The following TTC7B variants were observed in gnomAD, a reference collection of about 807,000 sequenced individuals.
TTC7B encodes tetratricopeptide repeat protein 7B.
In TTC7B, 28 loss-of-function variants were observed where a neutral mutation model predicts 106.8. The ratio of observed to expected loss-of-function variants is 0.26; its 90% CI spans 0.19 to 0.36. The LOEUF is 0.36. TTC7B is among the 10% of genes least tolerant of loss of function. The pLI is 1.00. For synonymous variants in TTC7B, 405 were observed against 430.6 expected (o/e 0.94, Z 0.74); for missense variants, 862 against 1,076.4 (o/e 0.80, Z 2.79).
At chr14:90,671,203 T>A (rs181926886) in intron 9 of TTC7B, among the ~76,000 whole-genome samples, 12 of 152,318 alleles carry the variant, frequency 7.9e-5, no homozygotes, top group Admixed American at 7.8e-4. Context: ...CGTTGTTAGA[T>A]GTGCAATGCT....
chr14:90,662,209 A>G (rs999217537), intron 9 of TTC7B, among the ~76,000 whole-genome samples: 1 of 152,248 alleles, frequency 6.6e-6, no homozygotes, highest in Non-Finnish European at 1.5e-5. Flanking sequence ...CAGACAGCCA[A>G]TCACAGGCTC....
intron 1 of TTC7B, among the ~76,000 whole-genome samples, chr14:90,789,561 A>G (rs530544474): frequency 2.6e-4 from 39 of 152,274 alleles, no homozygotes; most frequent in African/African-American, 8.7e-4. Flanking sequence ...AAAAAGTGGA[A>G]TTAATTTAAA....
At chr14:90,542,499 G>A (rs913452398) in intron 19 of TTC7B, among the ~76,000 whole-genome samples, 5 of 152,112 alleles carry the variant, frequency 3.3e-5, no homozygotes, top group Non-Finnish European at 4.4e-5. Context: ...TCATCCAATG[G>A]ACACTCTCAC....
chr14:90,769,951 C>T (rs1026923992), intron 3 of TTC7B, among the ~76,000 whole-genome samples: 2 of 151,820 alleles, frequency 1.3e-5, no homozygotes, highest in Non-Finnish European at 2.9e-5. Context: ...GAGTTTGAGA[C>T]CATCCTGGGC....
chr14:90,606,813 T>C (rs577257580), intron 17 of TTC7B, among the ~76,000 whole-genome samples: 2 of 152,358 alleles, frequency 1.3e-5, no homozygotes, highest in South Asian at 4.1e-4. Context: ...TGACTCCTCA[T>C]GTTATTCCAC....
chr14:90,778,037 A>T (rs551896332), intron 3 of TTC7B, among the ~76,000 whole-genome samples: 4 of 152,194 alleles, frequency 2.6e-5, no homozygotes, highest in Non-Finnish European at 5.9e-5. Flanking sequence ...TGACACACTG[A>T]GTAGGACCCA....
chr14:90,729,358 C>G (rs1889236722), intron 5 of TTC7B, among the ~76,000 whole-genome samples: 1 of 152,162 alleles, frequency 6.6e-6, no homozygotes, highest in Admixed American at 6.5e-5. Flanking sequence ...CTGGACTACT[C>G]TAGAGGAGGG....
intron 8 of TTC7B, among the ~76,000 whole-genome samples, chr14:90,679,477 T>C: frequency 6.6e-6 from 1 of 152,124 alleles, no homozygotes; most frequent in East Asian, 1.9e-4. Flanking sequence ...ATGATTCCCT[T>C]CTCTCCCCTG....
At chr14:90,769,209 T>A (rs144835220) in intron 3 of TTC7B, among the ~76,000 whole-genome samples, 46 of 152,086 alleles carry the variant, frequency 3.0e-4, no homozygotes, top group African/African-American at 1.0e-3. Flanking sequence ...ATTTAAATAT[T>A]TCGCTACAAA....
chr14:90,731,691 C>T (rs1303855087), intron 4 of TTC7B, among the ~76,000 whole-genome samples: 1 of 152,208 alleles, frequency 6.6e-6, no homozygotes, highest in Non-Finnish European at 1.5e-5. Context: ...CTCCTCCACT[C>T]ATCCGTCAAG....
At chr14:90,574,379 C>T (rs1166009125) in intron 19 of TTC7B, among the ~76,000 whole-genome samples, 2 of 152,240 alleles carry the variant, frequency 1.3e-5, no homozygotes, top group Non-Finnish European at 2.9e-5. Context: ...TAGCATGCTG[C>T]TCCCGTAATA....
intron 2 of TTC7B, among the ~76,000 whole-genome samples, chr14:90,785,323 G>C (rs1282356699): frequency 6.6e-6 from 1 of 152,146 alleles, no homozygotes; most frequent in Non-Finnish European, 1.5e-5. Context: ...GAAGAAAAAT[G>C]AGAAAGAAGT....
intron 5 of TTC7B, among the ~76,000 whole-genome samples, chr14:90,729,665 T>C (rs150938952): frequency 6.6e-6 from 1 of 152,334 alleles, no homozygotes; most frequent in African/African-American, 2.4e-5. Context: ...GCAAATCCAA[T>C]TCCCTGAATG....
At chr14:90,755,190 T>C (rs1039369233) in intron 3 of TTC7B, among the ~76,000 whole-genome samples, 8 of 152,246 alleles carry the variant, frequency 5.3e-5, no homozygotes, top group Non-Finnish European at 2.9e-5. Context: ...GGCTCTTGTG[T>C]GGGCACACAT....
chr14:90,743,070 C>G (rs1483542057), intron 4 of TTC7B, among the ~76,000 whole-genome samples: 1 of 152,190 alleles, frequency 6.6e-6, no homozygotes, highest in Non-Finnish European at 1.5e-5. Context: ...TTTAAAGGAG[C>G]CTGGATGATC....
chr14:90,680,003 T>C (rs1886989366), intron 8 of TTC7B, among the ~76,000 whole-genome samples: 1 of 152,242 alleles, frequency 6.6e-6, no homozygotes, highest in Non-Finnish European at 1.5e-5. Flanking sequence ...GAGAGTTTCA[T>C]CAAGCTCCTG....
intron 17 of TTC7B, among the ~76,000 whole-genome samples, chr14:90,606,495 C>T (rs570428741): frequency 1.3e-5 from 2 of 152,324 alleles, no homozygotes; most frequent in East Asian, 3.9e-4. Flanking sequence ...ACCCCACATC[C>T]TGTTTTAAAG....
chr14:90,577,970 C>T lies in TTC7B; in HGVS notation c.2310+136G>A, dbSNP rs1480774538. The T allele has an allele frequency of 4.5e-6, 5 of 1,115,792 alleles. No homozygotes were observed. The East Asian group carries it at 1.0e-4, about 23-fold the overall frequency. 69.1% of individuals were successfully genotyped at this position (1,115,792 alleles called of 1,614,324 possible). A position where few individuals can be genotyped will look rare whatever the true frequency, so the allele number is the denominator to read the frequency against. On this transcript the variant is annotated intron_variant, in intron 19 of 19. Transcript: ENST00000328459. This position sits in a 1 kb window ranked among gnomAD's most constrained non-coding sequence, Gnocchi z 5.0. ...AGAAACGGTGCCCTCTGGCTTCAGGCCATGTGACAGCCTGGCAAGCTAACT... is the reference window on the plus strand; with the variant it reads ...AGAAACGGTGCCCTCTGGCTTCAGGTCATGTGACAGCCTGGCAAGCTAACT...
At chr14:90,812,199 C>A (rs1304329701) in intron 1 of TTC7B, among the ~76,000 whole-genome samples, 6 of 152,136 alleles carry the variant, frequency 3.9e-5, no homozygotes, top group African/African-American at 1.4e-4. Context: ...AAGAACCTGG[C>A]TGGAGATCAC....
Sources: gnomAD v4.1 joint callset for allele counts (sites outside exome capture counted in the v4.1 genomes callset) on GRCh38, gnomAD v4.1.1 for gene constraint, Gnocchi (gnomAD v3.1) non-coding constraint, MANE v1.5 for transcripts, NCBI Gene and HGNC (gene_info 2026-07-23, HGNC 2026-07-21) for gene names.